Variants in LINGO2 observed in about 807,000 individuals in gnomAD.
The protein encoded by LINGO2 is leucine rich repeat and Ig domain containing 2.
A neutral mutation model predicts 30.6 loss-of-function variants in LINGO2; 14 were observed. That is an observed-to-expected ratio of 0.46 (90% confidence interval 0.30 to 0.72). The LOEUF (loss-of-function observed/expected upper bound fraction) is 0.72, where lower values mean the gene tolerates loss of function less well. LINGO2 is among the 30% of genes least tolerant of loss of function. The pLI, the probability that LINGO2 is intolerant of heterozygous loss-of-function variation, is 0.07. For missense variants in LINGO2, 729 were observed against 751.7 expected, an observed-to-expected ratio of 0.97 and a Z score of 0.35; for synonymous variants, 317 against 288.5, an observed-to-expected ratio of 1.10 and a Z score of -1.00.
At chr9:28,681,107 T>C in the LINGO2 span, among the ~76,000 whole-genome samples, 1 of 152,022 alleles carries the variant, frequency 6.6e-6, no homozygotes, top group Non-Finnish European at 1.5e-5. Flanking sequence ...CAATTTAAGT[T>C]GATTTTTGTA....
At chr9:28,653,054 T>G (rs1391900464) in intron 1 of LINGO2, among the ~76,000 whole-genome samples, 11 of 152,134 alleles carry the variant, frequency 7.2e-5, no homozygotes, top group Non-Finnish European at 1.6e-4. Context: ...TTAGATATCT[T>G]TAAGAAAATG....
chr9:28,558,201 A>C (rs916083348), intron 1 of LINGO2, among the ~76,000 whole-genome samples: 1 of 151,428 alleles, frequency 6.6e-6, no homozygotes, highest in African/African-American at 2.4e-5. Flanking sequence ...TGTTGAACCC[A>C]TTTTTCACTA....
intron 1 of LINGO2, among the ~76,000 whole-genome samples, chr9:28,630,209 A>G (rs1278821550): frequency 1.3e-5 from 2 of 150,406 alleles, no homozygotes; most frequent in East Asian, 3.9e-4. Context: ...CTTAAAGTAT[A>G]ATAAAAAAAT....
At chr9:29,079,906 C>T in the LINGO2 span, among the ~76,000 whole-genome samples, 1 of 151,986 alleles carries the variant, frequency 6.6e-6, no homozygotes, top group Non-Finnish European at 1.5e-5. Flanking sequence ...TATGTGACAA[C>T]CATTGTAATA....
chr9:29,168,566 C>G, the LINGO2 span, among the ~76,000 whole-genome samples: 1 of 152,066 alleles, frequency 6.6e-6, no homozygotes, highest in African/African-American at 2.4e-5. Context: ...AAGGAGAGAG[C>G]CTTATGTAAG....
At chr9:28,596,724 C>A (rs1825199610) in intron 1 of LINGO2, among the ~76,000 whole-genome samples, 1 of 152,190 alleles carries the variant, frequency 6.6e-6, no homozygotes, top group African/African-American at 2.4e-5. Context: ...AACTGTAGCA[C>A]TTTCTTTGAT....
At chr9:28,423,272 G>A (rs1396165243) in intron 2 of LINGO2, among the ~76,000 whole-genome samples, 2 of 151,980 alleles carry the variant, frequency 1.3e-5, no homozygotes, top group Non-Finnish European at 2.9e-5. Flanking sequence ...TTAAGAGAAT[G>A]TCCTAAGACT....
At chr9:28,106,431 C>T (rs1398260598) in intron 4 of LINGO2, among the ~76,000 whole-genome samples, 1 of 152,128 alleles carries the variant, frequency 6.6e-6, no homozygotes, top group East Asian at 1.9e-4. Context: ...TGCCTTCTCT[C>T]CCCTCTCCGT....
At chr9:28,375,269 A>G (rs1821084120) in intron 2 of LINGO2, among the ~76,000 whole-genome samples, 1 of 152,206 alleles carries the variant, frequency 6.6e-6, no homozygotes, top group Admixed American at 6.5e-5. Context: ...CAACAGGGGT[A>G]GATGCTGGGT....
intron 3 of LINGO2, among the ~76,000 whole-genome samples, chr9:28,302,279 G>T (rs1226819524): frequency 6.6e-6 from 1 of 152,192 alleles, no homozygotes; most frequent in Non-Finnish European, 1.5e-5. Flanking sequence ...TCATGAAGAA[G>T]AAACTGTCAT....
intron 1 of LINGO2, among the ~76,000 whole-genome samples, chr9:28,612,468 CCA>C (rs1319369865): frequency 2.0e-5 from 3 of 152,126 alleles, no homozygotes; most frequent in Non-Finnish European, 4.4e-5. Flanking sequence ...TCCTGGAAAG[CCA>C]CAGGGGTTGA....
chr9:29,096,754 C>G, the LINGO2 span, among the ~76,000 whole-genome samples: 5 of 140,076 alleles, frequency 3.6e-5, 1 homozygote, highest in African/African-American at 1.3e-4. Flanking sequence ...CCACTTTGGA[C>G]AAAACATGCC....
the LINGO2 span, among the ~76,000 whole-genome samples, chr9:29,197,808 A>T: frequency 6.6e-6 from 1 of 152,096 alleles, no homozygotes; most frequent in African/African-American, 2.4e-5. Flanking sequence ...CAATCTTTTG[A>T]AATAAATGTA....
At chr9:29,105,099 G>A in the LINGO2 span, among the ~76,000 whole-genome samples, 1 of 152,116 alleles carries the variant, frequency 6.6e-6, no homozygotes, top group East Asian at 1.9e-4. Flanking sequence ...CTAAACAAAT[G>A]CAGCTAAGCA....
chr9:29,141,990 T>C, the LINGO2 span, among the ~76,000 whole-genome samples: 2 of 151,776 alleles, frequency 1.3e-5, no homozygotes, highest in African/African-American at 4.8e-5. Flanking sequence ...CAATAATGAA[T>C]AGAAAAACCA....
intron 3 of LINGO2, among the ~76,000 whole-genome samples, chr9:28,300,093 C>T (rs961711713): frequency 7.0e-6 from 1 of 142,030 alleles, no homozygotes; most frequent in Non-Finnish European, 1.5e-5. Context: ...TTGAAAGCAA[C>T]AGATGACCTT....
chr9:28,513,370 C>A (rs1820492280), intron 1 of LINGO2, among the ~76,000 whole-genome samples: 1 of 152,280 alleles, frequency 6.6e-6, no homozygotes, highest in African/African-American at 2.4e-5. Flanking sequence ...ATGTACTTAG[C>A]ACAATATCTG....
chr9:28,363,461 T>C (rs965174439), intron 3 of LINGO2, among the ~76,000 whole-genome samples: 6 of 152,194 alleles, frequency 3.9e-5, no homozygotes, highest in Non-Finnish European at 8.8e-5. Flanking sequence ...CTCTAACTTA[T>C]CTTTGGCCCC....
the LINGO2 span, among the ~76,000 whole-genome samples, chr9:29,163,350 T>C: frequency 6.6e-6 from 1 of 152,328 alleles, no homozygotes; most frequent in East Asian, 1.9e-4. Flanking sequence ...ATATTAACTC[T>C]TCCTTTGATG....
Sources: gnomAD v4.1 joint callset for allele counts (sites outside exome capture counted in the v4.1 genomes callset) on GRCh38, gnomAD v4.1.1 for gene constraint, MANE v1.5 for transcripts, NCBI Gene and HGNC (gene_info 2026-07-23, HGNC 2026-07-21) for gene names.